Variants in ASAP1 observed in about 807,000 individuals in gnomAD.
ASAP1 encodes the protein ArfGAP with SH3 domain, ankyrin repeat and PH domain 1.
ASAP1 carries 43 observed loss-of-function variants against 145.2 expected under a neutral mutation model. That is an observed-to-expected ratio of 0.30 (90% CI 0.23 to 0.38). ASAP1 has a LOEUF of 0.38. ASAP1 is among the 10% of genes least tolerant of loss of function. ASAP1 has a pLI of 1.00. For synonymous variants in ASAP1, 546 were observed against 515.5 expected (o/e 1.06, Z -0.80); for missense variants, 1,018 against 1,355.3 (o/e 0.75, Z 3.91).
intron 2 of ASAP1, among the ~76,000 whole-genome samples, chr8:130,378,627 T>C (rs1488086250): frequency 6.6e-6 from 1 of 152,044 alleles, no homozygotes; most frequent in East Asian, 1.9e-4. Context: ...GTCAAGGAAT[T>C]TGGTTGTTGC....
At chr8:130,363,737 A>G (rs756960974) in intron 2 of ASAP1, among the ~76,000 whole-genome samples, 9 of 152,318 alleles carry the variant, frequency 5.9e-5, no homozygotes, top group East Asian at 1.9e-4. Context: ...TCTAAATCCA[A>G]TGCTTTTTCT....
intron 3 of ASAP1, among the ~76,000 whole-genome samples, chr8:130,349,138 G>T (rs537799416): frequency 6.6e-6 from 1 of 152,294 alleles, no homozygotes; most frequent in African/African-American, 2.4e-5. Flanking sequence ...GCCCACTAAG[G>T]GCTGATTATA....
intron 1 of ASAP1, among the ~76,000 whole-genome samples, chr8:130,407,659 G>A (rs150363831): frequency 9.8e-4 from 149 of 152,288 alleles, no homozygotes; most frequent in African/African-American, 3.2e-3. Flanking sequence ...TACCACCCAC[G>A]TTTCTGCTTT....
chr8:130,301,183 T>C (rs999071481), intron 3 of ASAP1, among the ~76,000 whole-genome samples: 7 of 152,208 alleles, frequency 4.6e-5, no homozygotes, highest in African/African-American at 1.7e-4. Context: ...GTGGCTGGCA[T>C]AACCCATTAG....
chr8:130,420,235 TAC>T (rs34138357), intron 1 of ASAP1, among the ~76,000 whole-genome samples: 32,254 of 138,776 alleles, frequency 0.23, 3,556 homozygotes, highest in Middle Eastern at 0.26. Context: ...CATAATGAAA[TAC>T]ACACACACAC....
At chr8:130,416,041 C>T (rs1157600980) in intron 1 of ASAP1, among the ~76,000 whole-genome samples, 1 of 152,184 alleles carries the variant, frequency 6.6e-6, no homozygotes, top group African/African-American at 2.4e-5. Context: ...TCTAGACTCT[C>T]TTTTTAATGA....
At chr8:130,278,513 A>G (rs1821058886) in intron 3 of ASAP1, among the ~76,000 whole-genome samples, 4 of 152,248 alleles carry the variant, frequency 2.6e-5, no homozygotes, top group Admixed American at 2.6e-4. Context: ...AAACACATGA[A>G]GACAATATAT....
intron 8 of ASAP1, among the ~76,000 whole-genome samples, chr8:130,180,083 A>C (rs1226748177): frequency 6.6e-6 from 1 of 150,882 alleles, no homozygotes; most frequent in East Asian, 2.0e-4. Context: ...GGGAAGGGGG[A>C]AAGAGAAAGA....
intron 1 of ASAP1, among the ~76,000 whole-genome samples, chr8:130,420,567 C>A (rs907689360): frequency 6.6e-6 from 1 of 152,104 alleles, no homozygotes; most frequent in Non-Finnish European, 1.5e-5. Flanking sequence ...TGTGGTACAG[C>A]CATACAATGC....
intron 25 of ASAP1, among the ~76,000 whole-genome samples, chr8:130,082,499 GC>G (rs1416547108): frequency 7.1e-6 from 1 of 140,912 alleles, no homozygotes; most frequent in African/African-American, 2.5e-5. Context: ...ACCACACGTG[GC>G]CTTTTTTTTT....
intron 28 of ASAP1, among the ~76,000 whole-genome samples, chr8:130,060,210 T>C (rs551849097): frequency 3.2e-4 from 48 of 151,932 alleles, no homozygotes; most frequent in African/African-American, 1.2e-3. Context: ...TAATAGTGAC[T>C]ACTTGCTCAG....
At chr8:130,194,435 TCA>T (rs1454815332) in intron 5 of ASAP1, among the ~76,000 whole-genome samples, 3 of 151,952 alleles carry the variant, frequency 2.0e-5, no homozygotes, top group Non-Finnish European at 4.4e-5. Flanking sequence ...ACCTATTCTC[TCA>T]GTTATTTTAG....
chr8:130,060,758 C>T lies in ASAP1; in HGVS notation c.3013G>A (p.Gly1005Arg). Residue 1005 changes from glycine to arginine, a missense_variant, in exon 28 of 30, where the codon GGA becomes AGA. Physicochemically the swap from Gly to Arg is moderately radical, Grantham distance 125. This residue lies in a region of ASAP1 where 139 missense variants were observed against 131.0 expected (regional missense o/e 1.06). Coordinates refer to ENST00000518721, the MANE Select transcript of ASAP1 (RefSeq NM_018482.4). ...TGCTGAGCCTTGGGTGAGACATCTCCAGTCTGGGATTTTGCTAGCAGGTCT... is the reference window on the plus strand; with the variant it reads ...TGCTGAGCCTTGGGTGAGACATCTCTAGTCTGGGATTTTGCTAGCAGGTCT... ...LGDLLAKSQTGDVSPKAQQPS... is the reference protein window; with the variant it reads ...LGDLLAKSQTRDVSPKAQQPS... 1.2e-6 allele frequency: 2 copies of T among 1,614,146 alleles called. No homozygotes were observed. Among genetic ancestry groups the T allele is most frequent in the Middle Eastern group, 1.6e-4 (1 of 6,062 alleles).
chr8:130,379,514 CT>C (rs141237061), intron 2 of ASAP1, among the ~76,000 whole-genome samples: 5,022 of 152,264 alleles, frequency 0.033, 100 homozygotes, highest in African/African-American at 0.064. Context: ...GAAGTGGGAG[CT>C]GTTCTATGGG....
At chr8:130,278,065 A>G (rs947713241) in intron 3 of ASAP1, among the ~76,000 whole-genome samples, 14 of 151,508 alleles carry the variant, frequency 9.2e-5, no homozygotes, top group African/African-American at 2.9e-4. Flanking sequence ...AGTGTGTTGA[A>G]AACCAGAAAA....
chr8:130,072,825 G>GTGTGTGCGTGTGTGCGCGCGCGCGCA, intron 27 of ASAP1, among the ~76,000 whole-genome samples: 1 of 54,098 alleles, frequency 1.8e-5, no homozygotes, highest in Non-Finnish European at 3.6e-5. Flanking sequence ...GTGTGTGTGT[G>GTGTGTGCGTGTGTGCGCGCGCGCGCA]CGCGCGGGGG....
intron 1 of ASAP1, among the ~76,000 whole-genome samples, chr8:130,424,997 A>AAAAT (rs1354425921): frequency 1.6e-4 from 23 of 140,868 alleles, no homozygotes; most frequent in East Asian, 6.5e-4. Flanking sequence ...CGTCTCAATA[A>AAAAT]AAATAAATAA....
chr8:130,256,742 TATATA>T (rs1819548241), intron 3 of ASAP1, among the ~76,000 whole-genome samples: 2 of 24,392 alleles, frequency 8.2e-5, no homozygotes, highest in East Asian at 4.3e-3. Flanking sequence ...CACATTCTTA[TATATA>T]TATATATATA....
At chr8:130,203,580 A>T (rs1816008233) in intron 5 of ASAP1, among the ~76,000 whole-genome samples, 1 of 152,216 alleles carries the variant, frequency 6.6e-6, no homozygotes, top group African/African-American at 2.4e-5. Flanking sequence ...AAGACAGAAC[A>T]TTTAATCTGA....
Sources: allele counts gnomAD v4.1 joint callset (sites outside exome capture counted in the v4.1 genomes callset), GRCh38; gene constraint gnomAD v4.1.1; regional missense constraint gnomAD v4.1.1; transcripts MANE v1.5; gene names NCBI Gene and HGNC (gene_info 2026-07-23, HGNC 2026-07-21).